ECHDC2: variants seen among roughly 807,000 people sequenced by gnomAD.
ECHDC2 encodes the protein enoyl-CoA hydratase domain-containing protein 2, mitochondrial.
In ECHDC2, 34 loss-of-function variants were observed where a neutral mutation model predicts 40.6. The observed-to-expected ratio is 0.84, with a 90% CI of 0.64 to 1.11. The LOEUF is 1.11. Ranked by LOEUF, ECHDC2 falls within the 50% of genes most tolerant of loss-of-function variation. ECHDC2 has a pLI of 0.00. For synonymous variants in ECHDC2, 162 were observed against 166.6 expected (o/e 0.97, Z 0.21); for missense variants, 392 against 400.7 (o/e 0.98, Z 0.19).
At chr1:52,909,603 C>G (rs1648897716) in intron 3 of ECHDC2, among the ~76,000 whole-genome samples, 1 of 151,610 alleles carries the variant, frequency 6.6e-6, no homozygotes, top group Non-Finnish European at 1.5e-5. Flanking sequence ...GGGCCACATT[C>G]AAAGCCATCC....
In ECHDC2 at chr1:52,906,550, C is replaced by T. The variant is rs775685870; in HGVS notation, c.426G>A (p.Glu142=). ...MDGFALGGGL[E]LALACDLRVA... is the part of the protein sequence containing the mutation. Reference sequence around the variant, plus strand: ...CTCGGAGGTCACAGGCCAGGGCAAGCTCTAGGCCTCCGCCCAAGGCAAACC... The same window carrying T: ...CTCGGAGGTCACAGGCCAGGGCAAGTTCTAGGCCTCCGCCCAAGGCAAACC... The change falls in exon 5 of 10, where the codon GAG becomes GAA. Residue 142 remains glutamate (E), a synonymous_variant. Coordinates refer to ENST00000371522, the MANE Select transcript of ECHDC2 (RefSeq NM_001198961.2). 6.2e-7 allele frequency: 1 copy of T among 1,612,558 alleles called. No individual in the cohort carries two copies. The highest frequency in any genetic ancestry group is 2.2e-5 in the East Asian group (1 of 44,874).
At chr1:52,898,671 C>G (rs546027075) in intron 8 of ECHDC2, 1 of 179,346 alleles carries the variant, frequency 5.6e-6, no homozygotes, top group South Asian at 1.2e-4. Context: ...ACTCATCCAT[C>G]TGTATCCCAG....
chr1:52,896,545 C>G lies in ECHDC2; in HGVS notation c.854G>C (p.Arg285Pro), dbSNP rs199666486. The G allele has an allele frequency of 1.9e-5, 31 of 1,614,106 alleles. No individual in the cohort carries two copies. Among genetic ancestry groups the G allele is most frequent in the Non-Finnish European group, 2.5e-5 (30 of 1,179,988 alleles). ...TCATTTGCCAACAAATTTGGGAGTC[C>G]GCTTCTCCCTGAAGGCTGCCATGCC... ...LEGMAAFREKRTPKFVGK is the reference protein window; with the variant it reads ...LEGMAAFREKPTPKFVGK Residue 285 changes from arginine to proline, a missense_variant, in exon 10 of 10, where the codon CGG becomes CCG. Arg to Pro is a moderately radical substitution (Grantham distance 103). Coordinates refer to ENST00000371522, the MANE Select transcript of ECHDC2 (RefSeq NM_001198961.2).
At chr1:52,913,854 C>G in intron 1 of ECHDC2, 1 of 962,260 alleles carries the variant, frequency 1.0e-6, no homozygotes, top group Non-Finnish European at 1.3e-6. Flanking sequence ...TGACACGTAT[C>G]TGCCTTGGCT....
intron 7 of ECHDC2, among the ~76,000 whole-genome samples, chr1:52,902,749 CT>C (rs1057440949): frequency 1.3e-5 from 2 of 151,442 alleles, no homozygotes; most frequent in African/African-American, 4.8e-5. Flanking sequence ...CTTAAAATAC[CT>C]TTTTTATATT....
chr1:52,921,690 A>G lies in ECHDC2; in HGVS notation c.-17T>C. 6.5e-7 allele frequency: 1 copy of G among 1,537,752 alleles called. No individual in the cohort carries two copies. Among genetic ancestry groups the G allele is most frequent in the Non-Finnish European group, 8.7e-7 (1 of 1,145,548 alleles). ...GCGCAGCATCGGGGCGCAGGCTGGG[A>G]GTGAAGGTGCTTCTCCGGCCCTGCA... On this transcript the variant is annotated 5_prime_UTR_variant, in exon 1 of 10. Coordinates refer to ENST00000371522, the MANE Select transcript of ECHDC2 (RefSeq NM_001198961.2).
intron 7 of ECHDC2, 111 bp downstream of exon 7, chr1:52,904,535 T>G (rs1571934372): frequency 1.0e-6 from 1 of 973,452 alleles, no homozygotes. Context: ...CCAAAGAGGG[T>G]TAATCATATG....
intron 1 of ECHDC2, among the ~76,000 whole-genome samples, chr1:52,918,541 G>A (rs1055412744): frequency 8.6e-5 from 13 of 151,994 alleles, no homozygotes; most frequent in Non-Finnish European, 1.8e-4. Flanking sequence ...AGGCTCGTGT[G>A]TGTGCTTGTG....
intron 7 of ECHDC2, among the ~76,000 whole-genome samples, chr1:52,903,717 AT>A (rs1435245011): frequency 1.3e-5 from 2 of 151,482 alleles, no homozygotes; most frequent in Non-Finnish European, 1.5e-5. Context: ...GTGAGCCATG[AT>A]TGCACCACTG....
chr1:52,921,630 C>A lies in ECHDC2; in HGVS notation c.44G>T (p.Arg15Leu). Residue 15 changes from arginine to leucine, a missense_variant, in exon 1 of 10, where the codon CGG becomes CTG. Arg to Leu is a moderately radical substitution (Grantham distance 102). Coordinates refer to ENST00000371522, the MANE Select transcript of ECHDC2 (RefSeq NM_001198961.2). ...CCCGTCGGAAGCGCAGCCGCGGGCC[C>A]GAAGGGGCCTCCAGGGGCGCAGGAG... ...LCLLRPWRPLRARGCASDGAA... is the reference protein window; with the variant it reads ...LCLLRPWRPLLARGCASDGAA... 1 of 1,592,996 alleles carries A rather than the reference C, an allele frequency of 6.3e-7. No homozygotes were observed. The highest frequency in any genetic ancestry group is 2.3e-5 in the East Asian group (1 of 43,814).
chr1:52,914,144 T>TG lies in ECHDC2; in HGVS notation c.122-2355dup, dbSNP rs1233349762. 2 of 483,294 alleles carry TG rather than the reference T, an allele frequency of 4.1e-6. No individual in the cohort carries two copies. Among genetic ancestry groups the TG allele is most frequent in the East Asian group, 6.9e-5 (1 of 14,444 alleles). 29.9% of individuals were successfully genotyped at this position (483,294 alleles called of 1,614,324 possible). ...ATAATTACTATTTGTGAGGAGAACT[T>TG]GGAGAAAAAGGACAAACAAGTAAGG... is the stretch of plus-strand genomic sequence containing the variant. On this transcript the variant is annotated intron_variant, in intron 1 of 9. Coordinates refer to ENST00000371522, the MANE Select transcript of ECHDC2 (RefSeq NM_001198961.2). The surrounding 1 kb of genome is among the most constrained non-coding windows in gnomAD (Gnocchi z 4.0).
rs760142203 is a variant in ECHDC2, at chr1:52,904,820, CCT to C, written c.526_527del (p.Arg176AlafsTer24). The C allele has an allele frequency of 7.4e-6, 12 of 1,611,706 alleles. No homozygotes were observed. The highest frequency in any genetic ancestry group is 8.5e-7 in the Non-Finnish European group (1 of 1,179,146). Reference protein sequence around the residue: ...GLLPGAGGTQRLPRCLGVALA... With the variant: ...GLLPGAGGTQXLPRCLGVALA... ...GGGCCACCCCCAGACAACGGGGCAG[CCT>C]CTGAGTCCCTCCTACCAGGATGGAG... On this transcript the variant is annotated frameshift_variant, in exon 7 of 10. Transcript: ENST00000371522. LOFTEE classifies it high-confidence loss of function.
At chr1:52,905,130 C>G (rs778562826) in intron 5 of ECHDC2, 40 bp from the exon 6 acceptor site, 2 of 1,609,188 alleles carry the variant, frequency 1.2e-6, no homozygotes, top group Admixed American at 3.3e-5. Flanking sequence ...CTCCCCCATC[C>G]GGTCCCCCAG....
intron 3 of ECHDC2, among the ~76,000 whole-genome samples, chr1:52,910,721 T>C (rs766593841): frequency 6.6e-5 from 10 of 152,190 alleles, no homozygotes; most frequent in Non-Finnish European, 1.5e-4. Flanking sequence ...GACTAATTTT[T>C]ACAGGCAGAG....
In ECHDC2 at chr1:52,896,002, A is replaced by T. The variant is rs1382546345; in HGVS notation, c.*518T>A. On this transcript the variant is annotated 3_prime_UTR_variant, in exon 10 of 10. Transcript: ENST00000371522. ...TTTGTAGGTGAGGAAGCTGAGGCCC[A>T]GAGCATTTAAACAATTTGTCCACGG... The T allele has an allele frequency of 1.3e-5, 2 of 153,778 alleles. No individual in the cohort carries two copies. The highest frequency in any genetic ancestry group is 6.4e-5 in the Admixed American group (1 of 15,654). 9.5% of individuals were successfully genotyped at this position (153,778 alleles called of 1,614,324 possible). A position where few individuals can be genotyped will look rare whatever the true frequency, so the allele number is the denominator to read the frequency against.
chr1:52,899,454 A>G, intron 7 of ECHDC2: 1 of 573,882 alleles, frequency 1.7e-6, no homozygotes, highest in East Asian at 3.0e-5. Context: ...CTTGTTATTC[A>G]GCCCATCCTT....
rs200384940 is a variant in ECHDC2, at chr1:52,907,302, TGGCCTCCCTGG to T, written c.364+555_364+565del. 5.6e-3 allele frequency: 855 copies of T among 152,844 alleles called. 8 individuals are homozygous for T. The highest frequency in any genetic ancestry group is 7.5e-3 in the Non-Finnish European group (516 of 68,514). The allele number at this position is 152,844 out of a possible 1,614,324, so 9.5% of individuals were successfully genotyped here. ...TGATCCCTGTTCAGGCCTAATCCGC[TGGCCTCCCTGG>T]GGCCTCCCTTTCTTTGTGCCAAGCC... On this transcript the variant is annotated intron_variant, in intron 4 of 9. Transcript: ENST00000371522.
chr1:52,899,127 C>A, intron 8 of ECHDC2, 47 bp downstream of exon 8: 1 of 1,601,358 alleles, frequency 6.2e-7, no homozygotes, highest in Non-Finnish European at 8.6e-7. Flanking sequence ...GTGTCCCAGC[C>A]GCGACCAACT....
rs546886463 is a variant in ECHDC2, at chr1:52,905,058, T to C, written c.490A>G (p.Thr164Ala). ...SSAVMGLIET[T>A]RGLLPGAGGT... The stretch of plus-strand genomic sequence containing the variant: ...CCTGCCCCCGGGAGGAGCCCTCGCG[T>C]GGTCTCAATCAGTCCCATGACTGCC... Residue 164 changes from threonine to alanine, a missense_variant, in exon 6 of 10, where the codon ACG becomes GCG. By Grantham distance (58) the Thr-to-Ala change is moderately conservative. Transcript: ENST00000371522. 1 of 1,614,128 alleles carries C rather than the reference T, an allele frequency of 6.2e-7. No homozygotes were observed. The highest frequency in any genetic ancestry group is 1.1e-5 in the South Asian group (1 of 91,080).
Sources: allele counts gnomAD v4.1 joint callset (sites outside exome capture counted in the v4.1 genomes callset), GRCh38; gene constraint gnomAD v4.1.1; non-coding constraint Gnocchi (gnomAD v3.1); transcripts MANE v1.5; gene names NCBI Gene and HGNC (gene_info 2026-07-23, HGNC 2026-07-21).